Variants in ABCD4 observed in about 807,000 individuals in gnomAD.
ABCD4 encodes ATP binding cassette subfamily D member 4, also known as lysosomal cobalamin transporter ABCD4.
In ABCD4, 53 loss-of-function variants were observed where a neutral mutation model predicts 86.3. The ratio of observed to expected loss-of-function variants is 0.61; its 90% CI spans 0.49 to 0.77. The LOEUF (loss-of-function observed/expected upper bound fraction) is 0.77, where lower values mean the gene tolerates loss of function less well. ABCD4 is among the 30% of genes least tolerant of loss of function. The probability of loss-of-function intolerance (pLI) is 0.00; values close to 1 mark genes in which losing one functional copy is unlikely to be tolerated. For missense variants in ABCD4, 757 were observed against 764.5 expected, an observed-to-expected ratio of 0.99 and a Z score of 0.12; for synonymous variants, 328 against 313.6, an observed-to-expected ratio of 1.05 and a Z score of -0.49.
chr14:74,300,231 G>C lies in ABCD4; in HGVS notation c.76C>G (p.Gln26Glu). 2.5e-6 allele frequency: 4 copies of C among 1,613,794 alleles called. No homozygotes were observed. Among genetic ancestry groups the C allele is most frequent in the Non-Finnish European group, 3.4e-6 (4 of 1,179,830 alleles). ...LDLQFLQRFL[Q>E]ILKVLFPSWS... ...GAAGGAAACAAAACCTTCAGTATCT[G>C]CAGGAACCGCTGGAGAAATTGCAGA... is the stretch of plus-strand genomic sequence containing the variant. The change falls in exon 2 of 19, where the codon CAG becomes GAG. Residue 26 changes from glutamine (Q) to glutamate (E), a missense_variant. Coordinates refer to ENST00000356924, the MANE Select transcript of ABCD4 (RefSeq NM_005050.4).
intron 1 of ABCD4, among the ~76,000 whole-genome samples, chr14:74,301,157 A>T (rs1429280667): frequency 1.6e-5 from 2 of 127,162 alleles, no homozygotes; most frequent in African/African-American, 5.6e-5. Flanking sequence ...CCTGGCCTAA[A>T]ATCTTTTTTT....
At chr14:74,288,477 A>G in intron 15 of ABCD4, 2 of 648,072 alleles carry the variant, frequency 3.1e-6, no homozygotes, top group African/African-American at 1.8e-5. Context: ...GCATGATGAC[A>G]GTAAAAAGCA....
intron 18 of ABCD4, 30 bp from the exon 19 acceptor site, chr14:74,286,559 A>G: frequency 6.2e-7 from 1 of 1,614,210 alleles, no homozygotes; most frequent in Non-Finnish European, 8.5e-7. Context: ...CATGGAGATC[A>G]GGCTGCCCTG....
Position 74,286,207 on chromosome 14 carries a change from C to G in ABCD4, c.*254G>C, listed in dbSNP as rs552538428. ...TGAAATCATTTGTAGGTAATCAGCA[C>G]TTCAAGCATATGGAGGCTCTGGCTG... On this transcript the variant is annotated 3_prime_UTR_variant, in exon 19 of 19. Transcript: ENST00000356924. The G allele has an allele frequency of 3.9e-5, 17 of 441,368 alleles. No homozygotes were observed. The highest frequency in any genetic ancestry group is 3.4e-4 in the African/African-American group (17 of 50,340). 27.3% of individuals were successfully genotyped at this position (441,368 alleles called of 1,614,324 possible). A position where few individuals can be genotyped will look rare whatever the true frequency, so the allele number is the denominator to read the frequency against.
chr14:74,298,715 GAC>G, intron 3 of ABCD4, among the ~76,000 whole-genome samples: 1 of 152,302 alleles, frequency 6.6e-6, no homozygotes, highest in South Asian at 2.1e-4. Flanking sequence ...CCAAGCTTGG[GAC>G]AGAGATTTGT....
chr14:74,288,132 T>C lies in ABCD4; in HGVS notation c.1559+75A>G, dbSNP rs2080339989. 4 of 1,524,776 alleles carry C rather than the reference T, an allele frequency of 2.6e-6. No homozygotes were observed. In the Admixed American group the frequency reaches 7.2e-5, roughly 28 times the overall value. 94.5% of individuals were successfully genotyped at this position (1,524,776 alleles called of 1,614,324 possible). A position where few individuals can be genotyped will look rare whatever the true frequency, so the allele number is the denominator to read the frequency against. ...GACTTTGGGGTCAGGAGCCGTTCCA[T>C]TCCTTGACAGGGACCCTGAAACCCA... On this transcript the variant is annotated intron_variant, in intron 16 of 18. Transcript: ENST00000356924.
At chr14:74,295,067 G>T (rs1291561660) in intron 7 of ABCD4, 81 bp downstream of exon 7, 1 of 1,542,348 alleles carries the variant, frequency 6.5e-7, no homozygotes, top group Non-Finnish European at 9.0e-7. Flanking sequence ...CTCGGTGGTG[G>T]TGGGAGGGTT....
At chr14:74,288,826 G>C (rs1469830878) in intron 14 of ABCD4, 61 bp from the exon 15 acceptor site, 126 of 1,588,882 alleles carry the variant, frequency 7.9e-5, no homozygotes, top group Non-Finnish European at 9.6e-5. Context: ...AAAATAGACA[G>C]GGCAAGGCTG....
intron 1 of ABCD4, among the ~76,000 whole-genome samples, chr14:74,302,314 A>C (rs2084819508): frequency 6.6e-6 from 1 of 152,210 alleles, no homozygotes; most frequent in South Asian, 2.1e-4. Context: ...ACTCAAAAAC[A>C]CAATGTTGAG....
At position 74,290,427 on chromosome 14, in the gene ABCD4, G is replaced by A. The variant is rs965299774; in HGVS notation, c.1191C>T (p.Pro397=). ...FLLERVSISA[P]SSDKPLIKDL... is the part of the protein sequence containing the mutation. ...CCTTGATTAGGGGTTTGTCAGAGGA[G>A]GGGGCAGAGATGGAGACCCGCTCAA... Residue 397 remains proline (P), a synonymous_variant, in exon 12 of 19, where the codon CCC becomes CCT. Transcript: ENST00000356924. 6.2e-7 allele frequency: 1 copy of A among 1,614,122 alleles called. No individual in the cohort carries two copies. The highest frequency in any genetic ancestry group is 8.5e-7 in the Non-Finnish European group (1 of 1,180,030).
At chr14:74,291,855 G>C (rs934124742) in intron 11 of ABCD4, among the ~76,000 whole-genome samples, 1 of 152,198 alleles carries the variant, frequency 6.6e-6, no homozygotes, top group Admixed American at 6.5e-5. Context: ...ATCTGCCCAA[G>C]GAAAGTGTGG....
intron 10 of ABCD4, 53 bp from the exon 11 acceptor site, chr14:74,292,429 ACTC>A: frequency 6.2e-7 from 1 of 1,602,278 alleles, no homozygotes; most frequent in Non-Finnish European, 8.5e-7. Flanking sequence ...GTGAAGGTGA[ACTC>A]CTTTTCCTAT....
Position 74,292,764 on chromosome 14 carries a change from C to G in ABCD4, c.920G>C (p.Ser307Thr). ...GAGTCTCACCTTGCTGACCAGGGTG[C>G]TAAGCTCTGCGGGACTCAGGTCTCC... is the stretch of plus-strand genomic sequence containing the variant. The part of the protein sequence containing the change: ...VYGDLSPAEL[S>T]TLVSKNAFVC... Residue 307 changes from serine (S) to threonine (T), a missense_variant, in exon 9 of 19, where the codon AGC becomes ACC. Coordinates refer to ENST00000356924, the MANE Select transcript of ABCD4 (RefSeq NM_005050.4). 7 of 1,614,040 alleles carry G rather than the reference C, an allele frequency of 4.3e-6. No individual in the cohort carries two copies. Among genetic ancestry groups the G allele is most frequent in the Non-Finnish European group, 5.1e-6 (6 of 1,179,958 alleles).
intron 18 of ABCD4, 34 bp downstream of exon 18, chr14:74,286,667 C>A (rs1417828938): frequency 6.2e-7 from 1 of 1,613,624 alleles, no homozygotes; most frequent in South Asian, 1.1e-5. Flanking sequence ...TGGGTTCTTT[C>A]TCCTCCTCAG....
rs11845047 is a variant in ABCD4, at chr14:74,290,006, A to G, written c.1419+21T>C. On this transcript the variant is annotated intron_variant, in intron 13 of 18. Coordinates refer to ENST00000356924, the MANE Select transcript of ABCD4 (RefSeq NM_005050.4). ...GGGCGGGGTTGAGGAGGGAGGAGTG[A>G]GCCCCCTGAACTAGACTGACCTGCT... 0.012 allele frequency: 19,662 copies of G among 1,613,854 alleles called. 2,013 individuals are homozygous for G. The African/African-American group carries it at 0.23, about 19-fold the overall frequency.
intron 4 of ABCD4, chr14:74,297,631 G>A: frequency 3.5e-6 from 3 of 859,032 alleles, no homozygotes; most frequent in South Asian, 4.9e-5. Context: ...ATTCCCAAGT[G>A]TGCTCACGGT....
chr14:74,295,722 G>GTCT, intron 6 of ABCD4, 132 bp downstream of exon 6: 15 of 1,251,328 alleles, frequency 1.2e-5, no homozygotes, highest in Non-Finnish European at 1.7e-5. Flanking sequence ...GCTTGGAGAG[G>GTCT]TTAAAGACCT....
At position 74,296,060 on chromosome 14, in the gene ABCD4, C is replaced by A. The variant is rs4148075; in HGVS notation, c.543-81G>T. ...ACATGCCTCAGCCCTGACTCCTGTT[C>A]CCTCTCAGGTAGCCCCTGTCCAATC... On this transcript the variant is annotated intron_variant, in intron 5 of 18. Coordinates refer to ENST00000356924, the MANE Select transcript of ABCD4 (RefSeq NM_005050.4). 19,899 of 1,514,060 alleles carry A rather than the reference C, an allele frequency of 0.013. 394 individuals carry two copies. Among genetic ancestry groups the A allele is most frequent in the Admixed American group, 0.11 (4,687 of 44,092 alleles). 93.8% of individuals were successfully genotyped at this position (1,514,060 alleles called of 1,614,324 possible).
chr14:74,295,103 C>T (rs761335124), intron 7 of ABCD4, 45 bp downstream of exon 7: 6 of 1,608,902 alleles, frequency 3.7e-6, no homozygotes, highest in Non-Finnish European at 5.1e-6. Context: ...CTTCTCCACT[C>T]TCAGCTCTGG....
Sources: allele counts gnomAD v4.1 joint callset (sites outside exome capture counted in the v4.1 genomes callset), GRCh38; gene constraint gnomAD v4.1.1; transcripts MANE v1.5; gene names NCBI Gene and HGNC (gene_info 2026-07-23, HGNC 2026-07-21).